EML4: variants seen among roughly 807,000 people sequenced by gnomAD.
The protein encoded by EML4 is EMAP like 4.
Under a neutral mutation model 129.0 loss-of-function variants are expected in EML4, and 72 were observed. That is an observed-to-expected ratio of 0.56 (90% CI 0.46 to 0.68). EML4 has a LOEUF of 0.68. Among genes scored for constraint, EML4 ranks in the 30% least tolerant of loss-of-function variants. EML4 has a pLI of 0.00. For missense variants in EML4, 1,363 were observed against 1,190.6 expected (o/e 1.14, Z -2.13); for synonymous variants, 532 against 405.0 (o/e 1.31, Z -3.77).
chr2:42,212,901 C>G (rs902071150), intron 1 of EML4, among the ~76,000 whole-genome samples: 2 of 152,166 alleles, frequency 1.3e-5, no homozygotes, highest in Admixed American at 6.5e-5. Flanking sequence ...AACCTGTATT[C>G]CAGTCCTGGC....
intron 1 of EML4, among the ~76,000 whole-genome samples, chr2:42,238,290 C>G (rs898008615): frequency 6.6e-6 from 1 of 152,178 alleles, no homozygotes; most frequent in Non-Finnish European, 1.5e-5. Flanking sequence ...AGAAGAGGTC[C>G]TCATTTTAGA....
intron 1 of EML4, among the ~76,000 whole-genome samples, chr2:42,216,869 C>T (rs1673227010): frequency 6.6e-6 from 1 of 152,138 alleles, no homozygotes; most frequent in African/African-American, 2.4e-5. Flanking sequence ...TATCCTACCC[C>T]TCTGACTCAC....
chr2:42,201,462 T>C (rs1434380134), intron 1 of EML4, among the ~76,000 whole-genome samples: 1 of 152,174 alleles, frequency 6.6e-6, no homozygotes, highest in East Asian at 1.9e-4. Flanking sequence ...AAGTTAAAAG[T>C]ATAACGCTTT....
intron 6 of EML4, among the ~76,000 whole-genome samples, chr2:42,278,364 G>C (rs1048911280): frequency 6.6e-6 from 1 of 151,984 alleles, no homozygotes; most frequent in Non-Finnish European, 1.5e-5. Flanking sequence ...ACTTGAAGTC[G>C]GAAGTTTGAG....
chr2:42,303,980 C>A (rs1016987731), intron 16 of EML4, among the ~76,000 whole-genome samples: 1 of 152,194 alleles, frequency 6.6e-6, no homozygotes, highest in Non-Finnish European at 1.5e-5. Flanking sequence ...ATTTGTCCAT[C>A]AGCTTCAGTA....
chr2:42,254,260 G>T (rs1388243130), intron 2 of EML4, among the ~76,000 whole-genome samples: 2 of 152,026 alleles, frequency 1.3e-5, no homozygotes, highest in Non-Finnish European at 2.9e-5. Context: ...TTAGAGACCA[G>T]CCTGGGCAAT....
intron 1 of EML4, among the ~76,000 whole-genome samples, chr2:42,228,155 A>G (rs1674096056): frequency 1.3e-5 from 2 of 152,096 alleles, no homozygotes; most frequent in Non-Finnish European, 2.9e-5. Context: ...TGGGAGGCCA[A>G]GGTTGCAGTG....
intron 1 of EML4, among the ~76,000 whole-genome samples, chr2:42,185,512 T>G (rs1671198504): frequency 6.6e-6 from 1 of 152,158 alleles, no homozygotes; most frequent in South Asian, 2.1e-4. Context: ...AGCCTTGGGT[T>G]AAGGTTGAGC....
intron 1 of EML4, among the ~76,000 whole-genome samples, chr2:42,221,042 G>A (rs775999171): frequency 3.3e-5 from 5 of 152,172 alleles, no homozygotes; most frequent in African/African-American, 4.8e-5. Context: ...AAAAGTGCAA[G>A]GTGAAGCAGC....
intron 17 of EML4, 117 bp downstream of exon 17, chr2:42,304,668 G>A: frequency 7.6e-6 from 6 of 787,844 alleles, no homozygotes; most frequent in Non-Finnish European, 1.3e-5. Flanking sequence ...TAATATGCTT[G>A]TTGTTCTTAT....
At chr2:42,244,062 A>G (rs1174393562) in intron 1 of EML4, among the ~76,000 whole-genome samples, 1 of 134,036 alleles carries the variant, frequency 7.5e-6, no homozygotes, top group Non-Finnish European at 1.7e-5. Flanking sequence ...AATAGCAATT[A>G]ATGTTTTTTT....
At chr2:42,305,322 G>C (rs1668531587) in intron 17 of EML4, among the ~76,000 whole-genome samples, 1 of 152,204 alleles carries the variant, frequency 6.6e-6, no homozygotes, top group Admixed American at 6.5e-5. Flanking sequence ...AATGATGGGA[G>C]ATTAAGAGGG....
chr2:42,271,505 A>T (rs1666364972), intron 6 of EML4, among the ~76,000 whole-genome samples: 1 of 152,208 alleles, frequency 6.6e-6, no homozygotes, highest in Non-Finnish European at 1.5e-5. Flanking sequence ...AAGGCTGTCC[A>T]ATTTTTTAAA....
Position 42,280,955 on chromosome 2 carries a change from A to G in EML4, c.773A>G (p.Lys258Arg). 1 of 1,606,496 alleles carries G rather than the reference A, an allele frequency of 6.2e-7. No homozygotes were observed. The highest frequency in any genetic ancestry group is 8.5e-7 in the Non-Finnish European group (1 of 1,177,390). ...DDIRTELPPE[K>R]LKLEWAYGYR... ...ATCAGAACGGAACTGCCTCCTGAGA[A>G]GCTCAAACTGGAGTGGGCGTATCCT... The change falls in exon 7 of 23, where the codon AAG becomes AGG. Residue 258 changes from lysine to arginine, a missense_variant. Physicochemically the swap from Lys to Arg is conservative, Grantham distance 26. Coordinates refer to ENST00000318522, the MANE Select transcript of EML4 (RefSeq NM_019063.5).
chr2:42,330,573 A>AG lies in EML4; in HGVS notation c.*368dup, dbSNP rs1670051852. On this transcript the variant is annotated 3_prime_UTR_variant, in exon 23 of 23. Transcript: ENST00000318522. The stretch of plus-strand genomic sequence containing the variant: ...ACATGTTTTCTTCAGGAACAACCAG[A>AG]GGTATCACAAACACTGTTACTCATC... The AG allele has an allele frequency of 2.4e-6, 1 of 421,904 alleles. No homozygotes were observed. Among genetic ancestry groups the AG allele is most frequent in the Admixed American group, 3.6e-5 (1 of 27,726 alleles). 26.1% of individuals were successfully genotyped at this position (421,904 alleles called of 1,614,324 possible). A position where few individuals can be genotyped will look rare whatever the true frequency, so the allele number is the denominator to read the frequency against.
intron 4 of EML4, among the ~76,000 whole-genome samples, chr2:42,262,861 TG>T (rs1665821136): frequency 6.6e-6 from 1 of 152,228 alleles, no homozygotes; most frequent in African/African-American, 2.4e-5. Flanking sequence ...CAGGTTTTTT[TG>T]TAACTACAAA....
intron 4 of EML4, among the ~76,000 whole-genome samples, chr2:42,262,861 T>G (rs950638621): frequency 7.2e-5 from 11 of 152,228 alleles, no homozygotes; most frequent in African/African-American, 1.9e-4. Context: ...CAGGTTTTTT[T>G]GTAACTACAA....
At chr2:42,179,720 A>C (rs1373131205) in intron 1 of EML4, among the ~76,000 whole-genome samples, 1 of 152,166 alleles carries the variant, frequency 6.6e-6, no homozygotes, top group Non-Finnish European at 1.5e-5. Context: ...ATCCTGCCTC[A>C]GCCTCCCGAG....
chr2:42,239,755 C>G (rs1470148238), intron 1 of EML4, among the ~76,000 whole-genome samples: 1 of 123,344 alleles, frequency 8.1e-6, no homozygotes, highest in African/African-American at 3.2e-5. Flanking sequence ...TACTCCTACT[C>G]TATAATAAAG....
Sources: gnomAD v4.1 joint callset for allele counts (sites outside exome capture counted in the v4.1 genomes callset) on GRCh38, gnomAD v4.1.1 for gene constraint, MANE v1.5 for transcripts, NCBI Gene and HGNC (gene_info 2026-07-23, HGNC 2026-07-21) for gene names.